The following PPM1F variants were observed in gnomAD, a reference collection of about 807,000 sequenced individuals.
PPM1F encodes protein phosphatase, Mg2+/Mn2+ dependent 1F.
PPM1F carries 17 observed loss-of-function variants against 35.5 expected under a neutral mutation model. That is an observed-to-expected ratio of 0.48 (90% CI 0.33 to 0.72). The LOEUF (loss-of-function observed/expected upper bound fraction) is 0.72, where lower values mean the gene tolerates loss of function less well. Ranked by LOEUF, PPM1F falls within the 30% of genes least tolerant of loss-of-function variation. The pLI is 0.02. For synonymous variants in PPM1F, 241 were observed against 255.5 expected, an observed-to-expected ratio of 0.94 and a Z score of 0.54; for missense variants, 521 against 613.0, an observed-to-expected ratio of 0.85 and a Z score of 1.59.
Position 21,939,359 on chromosome 22 carries a change from CA to C in PPM1F, c.355+172del, listed in dbSNP as rs2070698426. On this transcript the variant is annotated intron_variant, in intron 3 of 7. Transcript: ENST00000263212. The surrounding 1 kb of genome is among the most constrained non-coding windows in gnomAD (Gnocchi z 5.1). Reference sequence around the variant, plus strand: ...ATGACCTGTGGAGGGCTGTGACCGCCACCCTCCACCTCACTGGGGCCGCAAG... The same window carrying C: ...ATGACCTGTGGAGGGCTGTGACCGCCCCCTCCACCTCACTGGGGCCGCAAG... The C allele has an allele frequency of 1.2e-6, 1 of 836,746 alleles. No individual in the cohort carries two copies. The highest frequency in any genetic ancestry group is 1.7e-5 in the African/African-American group (1 of 58,158). 51.8% of individuals were successfully genotyped at this position (836,746 alleles called of 1,614,324 possible).
rs2070443532 is a variant in PPM1F at position 21,921,193 on chromosome 22, T to TTGCGTGCCTCCTCGGCG, written c.*1898_*1899insCGCCGAGGAGGCACGCA. On this transcript the variant is annotated 3_prime_UTR_variant, in exon 8 of 8. Transcript: ENST00000263212. Reference sequence around the variant, plus strand: ...AGGGCTCCCACCGGGAAGGCGGCTCTAGCGTGCCTCCTCGGCGAGCTGAGA... The same window carrying TTGCGTGCCTCCTCGGCG: ...AGGGCTCCCACCGGGAAGGCGGCTCTTGCGTGCCTCCTCGGCGAGCGTGCCTCCTCGGCGAGCTGAGA... 1 of 152,100 alleles carries TTGCGTGCCTCCTCGGCG rather than the reference T, an allele frequency of 6.6e-6. No homozygotes were observed. The allele number at this position is 152,100 out of a possible 1,614,324, so 9.4% of individuals were successfully genotyped here.
chr22:21,927,853 C>A (rs2070534446), intron 6 of PPM1F, among the ~76,000 whole-genome samples: 1 of 152,082 alleles, frequency 6.6e-6, no homozygotes, highest in Non-Finnish European at 1.5e-5. Context: ...TCAGTCTGGT[C>A]CGGGACTAAC....
intron 6 of PPM1F, 195 bp from the exon 7 acceptor site, chr22:21,925,857 A>C: frequency 2.1e-6 from 1 of 477,268 alleles, no homozygotes. Context: ...TACACAACCC[A>C]CAAGTCCTTT....
Position 21,923,314 on chromosome 22 carries a change from C to T in PPM1F, c.1143G>A (p.Arg381=), listed in dbSNP as rs2145789353. Residue 381 remains arginine (R), a synonymous_variant, in exon 8 of 8, where the codon AGG becomes AGA. Transcript: ENST00000263212. ...CGACACGGAGCCCGCTGCCCTGCTGCCTGGTCAGGTGGCTCTGGACCAGGC... is the reference window on the plus strand; with the variant it reads ...CGACACGGAGCCCGCTGCCCTGCTGTCTGGTCAGGTGGCTCTGGACCAGGC... The part of the protein sequence containing the change: ...VVGLVQSHLT[R]QQGSGLRVAE... The T allele has an allele frequency of 6.2e-7, 1 of 1,613,626 alleles. No homozygotes were observed. Among genetic ancestry groups the T allele is most frequent in the African/African-American group, 1.3e-5 (1 of 75,046 alleles).
chr22:21,933,749 G>C (rs910600917), intron 4 of PPM1F, among the ~76,000 whole-genome samples, 170 bp from the exon 5 acceptor site: 1 of 152,162 alleles, frequency 6.6e-6, no homozygotes, highest in Non-Finnish European at 1.5e-5. Flanking sequence ...CGGGAGCCTC[G>C]GTTTCACCAT....
intron 3 of PPM1F, chr22:21,938,402 C>T (rs2070686824): frequency 1.7e-6 from 2 of 1,152,354 alleles, no homozygotes; most frequent in African/African-American, 1.7e-5. Context: ...GGCAAGGCTG[C>T]GCTCCCAGGG....
In PPM1F at chr22:21,938,468, C is replaced by G. The variant is rs2070688041; in HGVS notation, c.355+1064G>C. 3.6e-6 allele frequency: 4 copies of G among 1,118,740 alleles called. No homozygotes were observed. In the Admixed American group the frequency reaches 1.9e-4, roughly 52 times the overall value. The allele number at this position is 1,118,740 out of a possible 1,614,324, so 69.3% of individuals were successfully genotyped here. On this transcript the variant is annotated intron_variant, in intron 3 of 7. Transcript: ENST00000263212. Reference sequence around the variant, plus strand: ...GAGGACGAGAGCGAGGAGGAGAGCGCGGGCACCCACTGATGCTGGCGGCCT... The same window carrying G: ...GAGGACGAGAGCGAGGAGGAGAGCGGGGGCACCCACTGATGCTGGCGGCCT...
chr22:21,942,053 AAC>A (rs1251210064), intron 2 of PPM1F: 1 of 152,336 alleles, frequency 6.6e-6, no homozygotes, highest in Non-Finnish European at 1.5e-5. Context: ...GAAGCTGGAC[AAC>A]ACACATTCAC....
chr22:21,949,083 T>G (rs1442302521), intron 1 of PPM1F: 1 of 152,456 alleles, frequency 6.6e-6, no homozygotes, highest in Non-Finnish European at 1.5e-5. Flanking sequence ...GTGCCCACTA[T>G]CTGCACATGC....
At chr22:21,934,446 G>C (rs910024386) in intron 3 of PPM1F, 1 of 549,730 alleles carries the variant, frequency 1.8e-6, no homozygotes, top group Non-Finnish European at 3.2e-6. Flanking sequence ...TCCCACCATG[G>C]AGCAACTCTA....
intron 4 of PPM1F, 100 bp downstream of exon 4, chr22:21,933,924 G>A (rs1335845910): frequency 5.9e-6 from 7 of 1,180,508 alleles, no homozygotes; most frequent in Non-Finnish European, 8.2e-6. Context: ...TGTCTCTCCT[G>A]TCTCAGCCTT....
intron 2 of PPM1F, 79 bp downstream of exon 2, chr22:21,945,764 G>C (rs2070770328): frequency 6.9e-7 from 1 of 1,439,390 alleles, no homozygotes; most frequent in African/African-American, 1.4e-5. Flanking sequence ...GGACGTGTAG[G>C]GGAGCAGCAG....
intron 3 of PPM1F, chr22:21,938,081 GAC>G (rs1400564971): frequency 2.3e-6 from 3 of 1,283,408 alleles, no homozygotes; most frequent in Non-Finnish European, 3.1e-6. Context: ...GAGGCACTCT[GAC>G]AGACGGGGAA....
intron 2 of PPM1F, chr22:21,940,473 C>CA (rs749859056): frequency 0.047 from 6,108 of 129,748 alleles, 252 homozygotes; most frequent in African/African-American, 0.12. Flanking sequence ...ATGCTGTCTC[C>CA]AAAAAAAAAA....
intron 3 of PPM1F, 23 bp from the exon 4 acceptor site, chr22:21,934,249 T>C (rs771850070): frequency 6.5e-7 from 1 of 1,540,868 alleles, no homozygotes; most frequent in African/African-American, 1.4e-5. Flanking sequence ...ATGGAGGGAT[T>C]GTCAGGGAAG....
Position 21,920,327 on chromosome 22 carries a change from G to C in PPM1F, c.*2765C>G, listed in dbSNP as rs886911023. ...AGGGACACTCAGAGGTGCACTGCCT[G>C]CTCAGCTCACACAAGGAACAAGTGG... On this transcript the variant is annotated 3_prime_UTR_variant, in exon 8 of 8. Coordinates refer to ENST00000263212, the MANE Select transcript of PPM1F (RefSeq NM_014634.4). The C allele has an allele frequency of 1.6e-4, 25 of 152,782 alleles. No homozygotes were observed. The highest frequency in any genetic ancestry group is 6.0e-4 in the African/African-American group (25 of 41,582). The allele number at this position is 152,782 out of a possible 1,614,324, so 9.5% of individuals were successfully genotyped here.
intron 6 of PPM1F, among the ~76,000 whole-genome samples, chr22:21,928,987 G>A (rs1342364496): frequency 6.6e-6 from 1 of 152,188 alleles, no homozygotes; most frequent in Non-Finnish European, 1.5e-5. Context: ...GCTGAACTGA[G>A]TGCAGAGGCA....
rs2070468872 is a variant in PPM1F at position 21,923,245 on chromosome 22, G to A, written c.1212C>T (p.Asp404=). Residue 404 remains aspartate (D), a synonymous_variant, in exon 8 of 8, where the codon GAC becomes GAT. Coordinates refer to ENST00000263212, the MANE Select transcript of PPM1F (RefSeq NM_014634.4). ...GGAAGACCACCATGACCGTGATGTT[G>A]TCGTGGGAGCCCCGCTCCCGGGCCG... ...VAAARERGSH[D]NITVMVVFLR... is the part of the protein sequence containing the mutation. The A allele has an allele frequency of 1.9e-6, 3 of 1,613,484 alleles. No individual in the cohort carries two copies. The highest frequency in any genetic ancestry group is 2.5e-6 in the Non-Finnish European group (3 of 1,179,958).
At position 21,922,908 on chromosome 22, in the gene PPM1F, C is replaced by T. The variant is rs371192238; in HGVS notation, c.*184G>A. 154 of 742,476 alleles carry T rather than the reference C, an allele frequency of 2.1e-4. 3 individuals are homozygous for T. Among genetic ancestry groups the T allele is most frequent in the African/African-American group, 2.0e-3 (116 of 57,112 alleles). 46.0% of individuals were successfully genotyped at this position (742,476 alleles called of 1,614,324 possible). A position where few individuals can be genotyped will look rare whatever the true frequency, so the allele number is the denominator to read the frequency against. On this transcript the variant is annotated 3_prime_UTR_variant, in exon 8 of 8. Transcript: ENST00000263212. ...CTGCCTTCCACCATCTGCCCGCCAC[C>T]CAGTGCAGTTCCACAGCCACCAGGA...
Sources: allele counts gnomAD v4.1 joint callset (sites outside exome capture counted in the v4.1 genomes callset), GRCh38; gene constraint gnomAD v4.1.1; non-coding constraint Gnocchi (gnomAD v3.1); transcripts MANE v1.5; gene names NCBI Gene and HGNC (gene_info 2026-07-23, HGNC 2026-07-21).